RNFT2: variants seen among roughly 807,000 people sequenced by gnomAD.
RNFT2 encodes E3 ubiquitin-protein ligase RNFT2.
Under a neutral mutation model 53.0 loss-of-function variants are expected in RNFT2, and 36 were observed. The observed-to-expected ratio is 0.68, with a 90% CI of 0.52 to 0.90. The LOEUF is 0.90. Among genes scored for constraint, RNFT2 ranks in the 40% least tolerant of loss-of-function variants. The probability of loss-of-function intolerance (pLI) is 0.00; values close to 1 mark genes in which losing one functional copy is unlikely to be tolerated. For missense variants in RNFT2, 514 were observed against 585.6 expected, an observed-to-expected ratio of 0.88 and a Z score of 1.26; for synonymous variants, 260 against 253.2, an observed-to-expected ratio of 1.03 and a Z score of -0.26.
At chr12:116,768,737 T>TC (rs1468264358) in intron 6 of RNFT2, among the ~76,000 whole-genome samples, 7 of 128,172 alleles carry the variant, frequency 5.5e-5, no homozygotes, top group South Asian at 2.8e-4. Flanking sequence ...TTTCTCTCTC[T>TC]TTTTTTTTTT....
At chr12:116,801,044 C>T (rs1044658632) in intron 7 of RNFT2, 4 of 152,046 alleles carry the variant, frequency 2.6e-5, no homozygotes, top group African/African-American at 9.7e-5. Flanking sequence ...GCTTTATTTG[C>T]ATGATTTCAT....
intron 6 of RNFT2, among the ~76,000 whole-genome samples, chr12:116,778,686 C>T (rs975989711): frequency 9.2e-5 from 14 of 152,180 alleles, no homozygotes; most frequent in Non-Finnish European, 4.4e-5. Flanking sequence ...CCTGTCTCTA[C>T]TAAAAATACA....
intron 10 of RNFT2, among the ~76,000 whole-genome samples, chr12:116,846,538 C>T (rs755593155): frequency 2.4e-4 from 36 of 151,394 alleles, no homozygotes; most frequent in Non-Finnish European, 1.3e-4. Flanking sequence ...CATCCTCCTG[C>T]CTTCGCCTCC....
chr12:116,746,603 T>A (rs535697907), intron 3 of RNFT2, among the ~76,000 whole-genome samples: 1 of 152,084 alleles, frequency 6.6e-6, no homozygotes, highest in Admixed American at 6.6e-5. Context: ...AGGGGAGACA[T>A]CCGGTGAAGG....
intron 10 of RNFT2, among the ~76,000 whole-genome samples, chr12:116,844,802 C>G (rs1195691767): frequency 1.3e-5 from 2 of 152,146 alleles, no homozygotes; most frequent in Admixed American, 6.6e-5. Flanking sequence ...TCTATGTGAA[C>G]AGGGGTTGTG....
intron 6 of RNFT2, among the ~76,000 whole-genome samples, chr12:116,767,636 G>A (rs187633909): frequency 6.6e-6 from 1 of 152,218 alleles, no homozygotes; most frequent in African/African-American, 2.4e-5. Context: ...CTGGAGTGCA[G>A]TGGCACGATC....
chr12:116,770,185 T>C (rs1261360349), intron 6 of RNFT2, among the ~76,000 whole-genome samples: 1 of 152,242 alleles, frequency 6.6e-6, no homozygotes, highest in Non-Finnish European at 1.5e-5. Context: ...GCTCCAGTGA[T>C]AGTAAGTGTC....
At chr12:116,762,887 C>T (rs1453253615) in intron 5 of RNFT2, among the ~76,000 whole-genome samples, 3 of 152,192 alleles carry the variant, frequency 2.0e-5, no homozygotes, top group African/African-American at 7.2e-5. Flanking sequence ...GCTGGGATTA[C>T]AGGCGTGAGC....
chr12:116,752,675 C>G (rs187098399), intron 4 of RNFT2, among the ~76,000 whole-genome samples: 1 of 152,056 alleles, frequency 6.6e-6, no homozygotes, highest in Non-Finnish European at 1.5e-5. Context: ...GTCAGGAATT[C>G]GAGACCAGCC....
intron 10 of RNFT2, among the ~76,000 whole-genome samples, chr12:116,845,258 A>AAAAAAAT (rs1555210659): frequency 8.2e-6 from 1 of 122,548 alleles, no homozygotes; most frequent in African/African-American, 3.3e-5. Context: ...AAAAAAAAAA[A>AAAAAAAT]ATATATATAT....
intron 6 of RNFT2, among the ~76,000 whole-genome samples, chr12:116,769,647 A>G (rs1375455930): frequency 6.6e-6 from 1 of 152,246 alleles, no homozygotes; most frequent in African/African-American, 2.4e-5. Flanking sequence ...GTGTTATTAT[A>G]AAATAGTCAA....
In RNFT2 at chr12:116,740,958, A is replaced by C. The variant is rs1871577051; in HGVS notation, c.25-78A>C. The C allele has an allele frequency of 7.2e-6, 9 of 1,253,654 alleles. No individual in the cohort carries two copies. In the South Asian group the frequency reaches 1.0e-4, roughly 14 times the overall value. 77.7% of individuals were successfully genotyped at this position (1,253,654 alleles called of 1,614,324 possible). A position where few individuals can be genotyped will look rare whatever the true frequency, so the allele number is the denominator to read the frequency against. The stretch of plus-strand genomic sequence containing the variant: ...TAAGATACGACTAGTGCAGGTTTGC[A>C]GTTTACAATTACCTTGGCAATCTGA... On this transcript the variant is annotated intron_variant, in intron 2 of 10. Coordinates refer to ENST00000257575, the MANE Select transcript of RNFT2 (RefSeq NM_001382266.1).
Position 116,749,890 on chromosome 12 carries a change from G to A in RNFT2, c.133G>A (p.Val45Ile), listed in dbSNP as rs866767468. The A allele has an allele frequency of 6.9e-6, 11 of 1,588,588 alleles. No individual in the cohort carries two copies. The highest frequency in any genetic ancestry group is 2.3e-5 in the South Asian group (2 of 87,022). Residue 45 changes from valine to isoleucine, a missense_variant, in exon 4 of 11, where the codon GTC becomes ATC. By Grantham distance (29) the Val-to-Ile change is conservative (BLOSUM62 3). Transcript: ENST00000257575. ...CGAGGCGAGTGTGGATGAAGGTGGC[G>A]TCTTTGAGAGTCTGAAGGCAGAGGC... ...SSEASVDEGG[V>I]FESLKAEAAS...
intron 8 of RNFT2, 85 bp from the exon 9 acceptor site, chr12:116,835,875 G>C: frequency 7.0e-6 from 10 of 1,418,472 alleles, no homozygotes; most frequent in Non-Finnish European, 9.9e-6. Context: ...ATGGGTGGAG[G>C]GTCAGAGGAT....
chr12:116,771,460 TAAAAAAAAAAA>T (rs35911608), intron 6 of RNFT2, among the ~76,000 whole-genome samples: 2,266 of 64,072 alleles, frequency 0.035, 137 homozygotes, highest in East Asian at 0.22. Flanking sequence ...ATCCTATCGT[TAAAAAAAAAAA>T]AAAAAAAAAA....
chr12:116,842,453 C>A (rs527998748), intron 10 of RNFT2, among the ~76,000 whole-genome samples: 1 of 152,192 alleles, frequency 6.6e-6, no homozygotes, highest in African/African-American at 2.4e-5. Flanking sequence ...ACAGCTCCCC[C>A]TCTCTTGAGT....
chr12:116,799,418 G>A (rs1038219344), intron 7 of RNFT2, among the ~76,000 whole-genome samples: 2 of 152,158 alleles, frequency 1.3e-5, no homozygotes, highest in South Asian at 2.1e-4. Context: ...CCCTTTTATC[G>A]TGTAGCCTGT....
intron 7 of RNFT2, among the ~76,000 whole-genome samples, chr12:116,798,891 A>G (rs1301484562): frequency 6.6e-6 from 1 of 152,122 alleles, no homozygotes; most frequent in African/African-American, 2.4e-5. Context: ...CAGTACCTAC[A>G]TGTGTTAGTT....
At chr12:116,777,193 C>T (rs1025996116) in intron 6 of RNFT2, among the ~76,000 whole-genome samples, 1 of 152,090 alleles carries the variant, frequency 6.6e-6, no homozygotes, top group South Asian at 2.1e-4. Flanking sequence ...GCTGGGATTA[C>T]AGTCGTGAGC....
Sources: allele counts gnomAD v4.1 joint callset (sites outside exome capture counted in the v4.1 genomes callset), GRCh38; gene constraint gnomAD v4.1.1; transcripts MANE v1.5; gene names NCBI Gene and HGNC (gene_info 2026-07-23, HGNC 2026-07-21).